TBC1D19: variants seen among roughly 807,000 people sequenced by gnomAD.
TBC1D19 encodes the protein TBC1 domain family, member 19.
A neutral mutation model predicts 89.0 loss-of-function variants in TBC1D19; 60 were observed. The observed-to-expected ratio is 0.67, with a 90% CI of 0.55 to 0.84. The LOEUF is 0.84. TBC1D19 is among the 40% of genes least tolerant of loss of function. TBC1D19 has a pLI of 0.00. For missense variants in TBC1D19, 500 were observed against 610.8 expected (o/e 0.82, Z 1.91); for synonymous variants, 189 against 199.7 (o/e 0.95, Z 0.45).
chr4:26,580,323 T>TAA (rs1739041147), upstream of TBC1D19, among the ~76,000 whole-genome samples: 1 of 152,236 alleles, frequency 6.6e-6, no homozygotes, highest in Non-Finnish European at 1.5e-5. Context: ...TAAGCACCTT[T>TAA]GGTGCTTTTG....
intron 6 of TBC1D19, 79 bp downstream of exon 6, chr4:26,638,913 A>T (rs960428225): frequency 2.7e-5 from 31 of 1,153,738 alleles, no homozygotes; most frequent in Non-Finnish European, 3.8e-5. Flanking sequence ...TAACATAATT[A>T]ACAATTCTTT....
Position 26,748,449 on chromosome 4 carries a change from C to G in TBC1D19, c.1358C>G (p.Ser453Cys). Residue 453 changes from serine (S) to cysteine (C), a missense_variant, in exon 19 of 21, where the codon TCT becomes TGT. This residue lies in a region of TBC1D19 where 220 missense variants were observed against 319.1 expected (regional missense o/e 0.69). Transcript: ENST00000264866. ...TTTAAGTGGATGGTTCGAGCTTTCT[C>G]TGGATACTTAGCTACAGATCAGCTC... Reference protein sequence around the residue: ...ISFKWMVRAFSGYLATDQLLL... With the variant: ...ISFKWMVRAFCGYLATDQLLL... The G allele has an allele frequency of 6.2e-7, 1 of 1,613,904 alleles. No homozygotes were observed. Among genetic ancestry groups the G allele is most frequent in the Non-Finnish European group, 8.5e-7 (1 of 1,179,870 alleles).
intron 1 of TBC1D19, among the ~76,000 whole-genome samples, chr4:26,599,605 G>A (rs1740458268): frequency 6.6e-6 from 1 of 152,122 alleles, no homozygotes; most frequent in Admixed American, 6.5e-5. Flanking sequence ...AAAGGGCTAT[G>A]TTTTTCGTTT....
chr4:26,733,836 C>G (rs1250864179), intron 15 of TBC1D19, among the ~76,000 whole-genome samples: 2 of 152,136 alleles, frequency 1.3e-5, no homozygotes, highest in Non-Finnish European at 2.9e-5. Flanking sequence ...TGTCCAAGAA[C>G]ACTGTCTTAG....
rs751036321 is a variant in TBC1D19 at position 26,748,678 on chromosome 4, A to T, written c.1435+152A>T. ...TATCTGGCTTTGACGATAAGTACGA[A>T]CAAAAACTGCAGTCTTGATACTTTT... is the stretch of plus-strand genomic sequence containing the variant. On this transcript the variant is annotated intron_variant, in intron 19 of 20. Transcript: ENST00000264866. The T allele has an allele frequency of 5.4e-4, 329 of 613,312 alleles. 2 individuals carry two copies. The highest frequency in any genetic ancestry group is 1.5e-3 in the South Asian group (74 of 47,810). 38.0% of individuals were successfully genotyped at this position (613,312 alleles called of 1,614,324 possible).
upstream of TBC1D19, among the ~76,000 whole-genome samples, chr4:26,583,634 T>C (rs1244805376): frequency 1.3e-5 from 2 of 152,200 alleles, no homozygotes; most frequent in Non-Finnish European, 2.9e-5. Context: ...TATGGTACAG[T>C]GCTAGGCACC....
chr4:26,749,869 G>C (rs1327885021), intron 19 of TBC1D19, among the ~76,000 whole-genome samples: 1 of 152,156 alleles, frequency 6.6e-6, no homozygotes, highest in Non-Finnish European at 1.5e-5. Context: ...GCAACTTCTA[G>C]TGTTCTGTCT....
chr4:26,800,403 C>T, the TBC1D19 span, among the ~76,000 whole-genome samples: 3 of 152,102 alleles, frequency 2.0e-5, no homozygotes, highest in Non-Finnish European at 2.9e-5. Context: ...TCCAGTCTAT[C>T]GTTGTTGGAC....
intron 12 of TBC1D19, among the ~76,000 whole-genome samples, chr4:26,687,370 T>G (rs1245897252): frequency 6.6e-6 from 1 of 152,148 alleles, no homozygotes; most frequent in Non-Finnish European, 1.5e-5. Context: ...GTCATACAGC[T>G]AAAAGTAGTG....
intron 7 of TBC1D19, among the ~76,000 whole-genome samples, chr4:26,647,939 CTAT>C (rs1438014854): frequency 2.0e-5 from 3 of 152,014 alleles, no homozygotes; most frequent in Non-Finnish European, 4.4e-5. Flanking sequence ...ATGTAACATA[CTAT>C]TGATTTATTT....
chr4:26,777,943 C>G, the TBC1D19 span, among the ~76,000 whole-genome samples: 1 of 152,024 alleles, frequency 6.6e-6, no homozygotes, highest in Non-Finnish European at 1.5e-5. Context: ...CGTGGCGGTA[C>G]ATGCCAGTGG....
At chr4:26,853,335 C>G in the TBC1D19 span, among the ~76,000 whole-genome samples, 1 of 152,182 alleles carries the variant, frequency 6.6e-6, no homozygotes, top group African/African-American at 2.4e-5. Context: ...TATCTCCCCC[C>G]TTCCAGCTCC....
chr4:26,803,010 A>G, the TBC1D19 span, among the ~76,000 whole-genome samples: 2 of 152,180 alleles, frequency 1.3e-5, no homozygotes, highest in African/African-American at 4.8e-5. Flanking sequence ...AATCCCATTT[A>G]TGAAGGCTCT....
chr4:26,799,902 G>A, the TBC1D19 span, among the ~76,000 whole-genome samples: 1 of 152,174 alleles, frequency 6.6e-6, no homozygotes, highest in Non-Finnish European at 1.5e-5. Context: ...TGTCAACTCA[G>A]AGATCAGATA....
chr4:26,701,231 A>G (rs1365859443), intron 13 of TBC1D19, among the ~76,000 whole-genome samples: 5 of 152,200 alleles, frequency 3.3e-5, no homozygotes, highest in Non-Finnish European at 7.3e-5. Context: ...CATTATAAAT[A>G]TATTCAGAGA....
At chr4:26,606,892 ACTTCGCAG>A (rs931363688) in intron 1 of TBC1D19, among the ~76,000 whole-genome samples, 1 of 152,142 alleles carries the variant, frequency 6.6e-6, no homozygotes, top group African/African-American at 2.4e-5. Context: ...GCCTCAGCTT[ACTTCGCAG>A]CTTCTTTGGC....
At chr4:26,622,914 G>A (rs1177950913) in intron 4 of TBC1D19, among the ~76,000 whole-genome samples, 3 of 152,000 alleles carry the variant, frequency 2.0e-5, no homozygotes, top group Non-Finnish European at 4.4e-5. Context: ...GCTTTTTATC[G>A]TCAGCATCTA....
chr4:26,738,636 C>A (rs981643659), intron 16 of TBC1D19, among the ~76,000 whole-genome samples: 3 of 151,366 alleles, frequency 2.0e-5, no homozygotes, highest in Admixed American at 6.6e-5. Flanking sequence ...TATTGTAATA[C>A]ATTTTTCTAT....
chr4:26,629,512 T>G (rs1742657233), intron 4 of TBC1D19, among the ~76,000 whole-genome samples: 1 of 152,034 alleles, frequency 6.6e-6, no homozygotes, highest in African/African-American at 2.4e-5. Context: ...TTTAAAAAAA[T>G]TATGAATGAA....
Sources: allele counts gnomAD v4.1 joint callset (sites outside exome capture counted in the v4.1 genomes callset), GRCh38; gene constraint gnomAD v4.1.1; regional missense constraint gnomAD v4.1.1; transcripts MANE v1.5; gene names NCBI Gene and HGNC (gene_info 2026-07-23, HGNC 2026-07-21).